FMNL2: variants seen among roughly 807,000 people sequenced by gnomAD.
FMNL2 encodes the protein formin like 2.
In FMNL2, 51 loss-of-function variants were observed where a neutral mutation model predicts 130.2. That is an observed-to-expected ratio of 0.39 (90% CI 0.31 to 0.49). The LOEUF (loss-of-function observed/expected upper bound fraction) is 0.49. FMNL2 is among the 20% of genes least tolerant of loss of function. The probability of loss-of-function intolerance (pLI) is 0.85; values close to 1 mark genes in which losing one functional copy is unlikely to be tolerated. For synonymous variants in FMNL2, 465 were observed against 467.1 expected, an observed-to-expected ratio of 1.00 and a Z score of 0.06; for missense variants, 977 against 1,316.2, an observed-to-expected ratio of 0.74 and a Z score of 3.99.
At position 152,339,444 on chromosome 2, in the gene FMNL2, A is replaced by G. The variant is rs1289916394; in HGVS notation, c.117+3724A>G. ...TACCTGTTTCTACATTAGACACTGCATAATATTATTCACTCATTTTTGGCT... is the reference window on the plus strand; with the variant it reads ...TACCTGTTTCTACATTAGACACTGCGTAATATTATTCACTCATTTTTGGCT... On this transcript the variant is annotated intron_variant, in intron 1 of 25. Transcript: ENST00000288670. Among the ~76,000 whole-genome samples the G allele has an allele frequency of 2.0e-4, 30 of 152,366 alleles. 1 individual carries two copies. Among genetic ancestry groups the G allele is most frequent in the Non-Finnish European group, 4.4e-5 (3 of 68,038 alleles).
chr2:152,442,383 C>T (rs1321064675), intron 1 of FMNL2, among the ~76,000 whole-genome samples: 4 of 152,004 alleles, frequency 2.6e-5, no homozygotes, highest in Non-Finnish European at 5.9e-5. Context: ...TCCCTAGTAG[C>T]TGGGATTACA....
chr2:152,416,868 G>A (rs1006499679), intron 1 of FMNL2, among the ~76,000 whole-genome samples: 5 of 152,202 alleles, frequency 3.3e-5, no homozygotes, highest in African/African-American at 9.6e-5. Flanking sequence ...CACCAATTGT[G>A]TCTCAGGTAA....
intron 4 of FMNL2, among the ~76,000 whole-genome samples, chr2:152,557,095 T>G (rs764728308): frequency 8.5e-5 from 13 of 152,218 alleles, no homozygotes; most frequent in Non-Finnish European, 1.5e-4. Flanking sequence ...TTCTTTTTAC[T>G]ATTTCTAAGC....
chr2:152,536,571 C>G (rs1694005587), intron 2 of FMNL2, among the ~76,000 whole-genome samples: 2 of 152,144 alleles, frequency 1.3e-5, no homozygotes, highest in Non-Finnish European at 2.9e-5. Flanking sequence ...ATTTTAGGAT[C>G]AAGATAATAA....
At chr2:152,560,789 C>T in intron 5 of FMNL2, 94 bp from the exon 6 acceptor site, 1 of 1,163,022 alleles carries the variant, frequency 8.6e-7, no homozygotes, top group East Asian at 2.6e-5. Context: ...TACTAAGGTG[C>T]AGATGTCTTG....
chr2:152,469,102 G>A (rs1248763238), intron 1 of FMNL2, among the ~76,000 whole-genome samples: 1 of 152,218 alleles, frequency 6.6e-6, no homozygotes, highest in Non-Finnish European at 1.5e-5. Context: ...CCATGAGCTG[G>A]AATACACTGA....
At chr2:152,626,808 T>C (rs1455996058) in intron 17 of FMNL2, 81 bp downstream of exon 17, 1 of 1,376,346 alleles carries the variant, frequency 7.3e-7, no homozygotes, top group African/African-American at 1.5e-5. Context: ...ATGACAAATA[T>C]TTCAATAGTG....
At chr2:152,350,631 C>G (rs777818092) in intron 1 of FMNL2, among the ~76,000 whole-genome samples, 1 of 152,180 alleles carries the variant, frequency 6.6e-6, no homozygotes, top group Non-Finnish European at 1.5e-5. Flanking sequence ...CAAGGTATTA[C>G]GGAAGAGAAT....
At chr2:152,567,831 A>T (rs1457323725) in intron 6 of FMNL2, among the ~76,000 whole-genome samples, 3 of 152,212 alleles carry the variant, frequency 2.0e-5, no homozygotes, top group Non-Finnish European at 4.4e-5. Context: ...TGAGATCTGA[A>T]TAGTGTGACA....
intron 1 of FMNL2, among the ~76,000 whole-genome samples, chr2:152,394,587 C>T (rs772966249): frequency 6.7e-6 from 1 of 149,410 alleles, no homozygotes; most frequent in South Asian, 2.1e-4. Context: ...TTAATAGATA[C>T]ATGTGGAAAG....
At chr2:152,440,791 T>C (rs1250929050) in intron 1 of FMNL2, among the ~76,000 whole-genome samples, 1 of 152,238 alleles carries the variant, frequency 6.6e-6, no homozygotes, top group Non-Finnish European at 1.5e-5. Context: ...TTTCTTAATC[T>C]TTTCACATCA....
chr2:152,343,044 C>T (rs1457141751), intron 1 of FMNL2, among the ~76,000 whole-genome samples: 1 of 152,146 alleles, frequency 6.6e-6, no homozygotes, highest in African/African-American at 2.4e-5. Context: ...TTCTGTGATT[C>T]CATGATCTTC....
intron 1 of FMNL2, among the ~76,000 whole-genome samples, chr2:152,371,222 G>A (rs1683855803): frequency 6.6e-6 from 1 of 152,158 alleles, no homozygotes; most frequent in South Asian, 2.1e-4. Context: ...ATTTATCATG[G>A]GGGGACTGGA....
In FMNL2 at chr2:152,483,612, C is replaced by T. The variant is rs1579778256; in HGVS notation, c.118-38331C>T. Among the ~76,000 whole-genome samples, 6 of 152,272 alleles carry T rather than the reference C, an allele frequency of 3.9e-5. No homozygotes were observed. The Middle Eastern group carries it at 0.014, about 345-fold the overall frequency. On this transcript the variant is annotated intron_variant, in intron 1 of 25. Coordinates refer to ENST00000288670, the MANE Select transcript of FMNL2 (RefSeq NM_052905.4). The stretch of plus-strand genomic sequence containing the variant: ...TGACAGTGACTTCTCATGTTGTCTC[C>T]TTTGTGCCCTCCTTCCCTGATGCTA...
chr2:152,537,366 G>C (rs1014403572), intron 2 of FMNL2, among the ~76,000 whole-genome samples: 1 of 152,174 alleles, frequency 6.6e-6, no homozygotes, highest in Admixed American at 6.5e-5. Flanking sequence ...GCAGCCTAAC[G>C]TTCCAGGCAA....
chr2:152,398,968 T>C (rs1270813650), intron 1 of FMNL2, among the ~76,000 whole-genome samples: 2 of 152,220 alleles, frequency 1.3e-5, no homozygotes, highest in East Asian at 3.8e-4. Context: ...GAATTGAGTG[T>C]GTTGTGGAGA....
At chr2:152,592,654 C>T (rs1697501396) in intron 9 of FMNL2, among the ~76,000 whole-genome samples, 1 of 152,030 alleles carries the variant, frequency 6.6e-6, no homozygotes, top group South Asian at 2.1e-4. Context: ...TTCCTTAGTG[C>T]TGGCAGACTA....
intron 1 of FMNL2, among the ~76,000 whole-genome samples, chr2:152,471,516 A>G (rs1031428793): frequency 2.6e-5 from 4 of 152,202 alleles, no homozygotes; most frequent in African/African-American, 9.7e-5. Flanking sequence ...GACCAAAAAT[A>G]AGCAAAAGAA....
At chr2:152,598,864 A>C (rs570370831) in intron 9 of FMNL2, among the ~76,000 whole-genome samples, 1 of 152,366 alleles carries the variant, frequency 6.6e-6, no homozygotes, top group South Asian at 2.1e-4. Flanking sequence ...GTGGTTATGG[A>C]GGTAGAGAAG....
Sources: gnomAD v4.1 joint callset for allele counts (sites outside exome capture counted in the v4.1 genomes callset) on GRCh38, gnomAD v4.1.1 for gene constraint, MANE v1.5 for transcripts, NCBI Gene and HGNC (gene_info 2026-07-23, HGNC 2026-07-21) for gene names.